The following TRIM2 variants were observed in gnomAD, a reference collection of about 807,000 sequenced individuals.
The protein encoded by TRIM2 is tripartite motif containing 2, also known as tripartite motif-containing protein 2.
A neutral mutation model predicts 75.2 loss-of-function variants in TRIM2; 20 were observed. That is an observed-to-expected ratio of 0.27 (90% confidence interval 0.19 to 0.39). TRIM2 has a LOEUF of 0.39. TRIM2 is among the 10% of genes least tolerant of loss of function. The pLI is 1.00. For synonymous variants in TRIM2, 373 were observed against 388.3 expected, an observed-to-expected ratio of 0.96 and a Z score of 0.46; for missense variants, 660 against 990.8, an observed-to-expected ratio of 0.67 and a Z score of 4.48.
intron 3 of TRIM2, chr4:153,276,352 G>A: frequency 5.1e-6 from 3 of 588,272 alleles, no homozygotes; most frequent in Non-Finnish European, 9.1e-6. Flanking sequence ...CACACATATT[G>A]TTGGTATCCC....
intron 1 of TRIM2, among the ~76,000 whole-genome samples, chr4:153,186,218 G>A (rs372620425): frequency 9.9e-5 from 15 of 152,222 alleles, no homozygotes; most frequent in South Asian, 8.3e-4. Flanking sequence ...GCGTCGGGGC[G>A]TGGTCTGAGT....
At chr4:153,334,689 G>C (rs1277127710) in intron 11 of TRIM2, 125 bp from the exon 12 acceptor site, 32 of 918,372 alleles carry the variant, frequency 3.5e-5, no homozygotes, top group Non-Finnish European at 4.2e-5. Flanking sequence ...CTGGGTGTCA[G>C]AGTGAGACCC....
At chr4:153,297,819 A>AT (rs1560972495) in intron 6 of TRIM2, among the ~76,000 whole-genome samples, 3 of 152,226 alleles carry the variant, frequency 2.0e-5, no homozygotes, top group Non-Finnish European at 2.9e-5. Flanking sequence ...TGTAAAACAA[A>AT]GGGAATGAAA....
At chr4:153,187,393 G>T (rs368135565) in intron 1 of TRIM2, among the ~76,000 whole-genome samples, 1 of 152,188 alleles carries the variant, frequency 6.6e-6, no homozygotes, top group South Asian at 2.1e-4. Flanking sequence ...TGGAAAGGTT[G>T]TCAATGTGTC....
At chr4:153,173,107 G>A (rs990945364) in intron 1 of TRIM2, among the ~76,000 whole-genome samples, 1 of 152,202 alleles carries the variant, frequency 6.6e-6, no homozygotes, top group African/African-American at 2.4e-5. Context: ...TTCGGCCTGG[G>A]TTTAGGTGTC....
chr4:153,318,794 T>C (rs1768266581), intron 8 of TRIM2, among the ~76,000 whole-genome samples: 1 of 152,148 alleles, frequency 6.6e-6, no homozygotes, highest in Non-Finnish European at 1.5e-5. Flanking sequence ...TGTTCAGTGG[T>C]TCAATAGTCT....
At chr4:153,325,734 C>T (rs938566685) in intron 10 of TRIM2, among the ~76,000 whole-genome samples, 1 of 152,182 alleles carries the variant, frequency 6.6e-6, no homozygotes, top group Non-Finnish European at 1.5e-5. Flanking sequence ...CTGCCCACTC[C>T]CAGCTGAAAG....
chr4:153,182,908 CCA>C, intron 1 of TRIM2, among the ~76,000 whole-genome samples: 1 of 152,292 alleles, frequency 6.6e-6, no homozygotes, highest in Admixed American at 6.5e-5. Context: ...TCCCAATACC[CCA>C]GTTATTCCTT....
intron 1 of TRIM2, among the ~76,000 whole-genome samples, chr4:153,221,720 AAAAG>A (rs1467420575): frequency 6.9e-6 from 1 of 144,308 alleles, no homozygotes; most frequent in Non-Finnish European, 1.5e-5. Context: ...AGGAAAGAAG[AAAAG>A]AAGGAAGGAA....
chr4:153,177,083 G>A (rs1354618815), intron 1 of TRIM2, among the ~76,000 whole-genome samples: 2 of 152,216 alleles, frequency 1.3e-5, no homozygotes, highest in East Asian at 1.9e-4. Flanking sequence ...TGTTGTTGGA[G>A]AATCCCCAGC....
At chr4:153,254,769 C>T (rs1751660199) in intron 1 of TRIM2, among the ~76,000 whole-genome samples, 1 of 152,182 alleles carries the variant, frequency 6.6e-6, no homozygotes, top group East Asian at 1.9e-4. Context: ...ACAGCTGAGC[C>T]CCCAAAACCC....
chr4:153,295,885 T>C lies in TRIM2; in HGVS notation c.1359T>C (p.Asp453=). ...AGCTGAAAGTGATCCGATCCGCTGA[T>C]GTGTCTCCCACCACAGAAGGCGTGA... ...PFKLKVIRSA[D]VSPTTEGVKR... Residue 453 remains aspartate (D), a synonymous_variant, in exon 6 of 12, where the codon GAT becomes GAC. Transcript: ENST00000338700. The surrounding 1 kb of genome is among the most constrained non-coding windows in gnomAD (Gnocchi z 7.2). 7 of 1,613,800 alleles carry C rather than the reference T, an allele frequency of 4.3e-6. No homozygotes were observed. The highest frequency in any genetic ancestry group is 2.2e-5 in the South Asian group (2 of 91,022).
chr4:153,268,125 G>A (rs1384904285), intron 1 of TRIM2, among the ~76,000 whole-genome samples: 1 of 152,172 alleles, frequency 6.6e-6, no homozygotes, highest in Non-Finnish European at 1.5e-5. Flanking sequence ...CCAGATTACC[G>A]GTCTGGGTGG....
At chr4:153,320,292 A>T (rs544123079) in intron 8 of TRIM2, among the ~76,000 whole-genome samples, 1 of 152,334 alleles carries the variant, frequency 6.6e-6, no homozygotes, top group South Asian at 2.1e-4. Context: ...ATGAAATCTG[A>T]ATCTTCATCA....
At chr4:153,186,583 C>A (rs1300395541) in intron 1 of TRIM2, among the ~76,000 whole-genome samples, 1 of 152,188 alleles carries the variant, frequency 6.6e-6, no homozygotes, top group Non-Finnish European at 1.5e-5. Context: ...CAGCCCAGAG[C>A]AGAATCTTCT....
intron 1 of TRIM2, among the ~76,000 whole-genome samples, chr4:153,226,666 T>C (rs1159352752): frequency 2.0e-5 from 3 of 152,188 alleles, no homozygotes; most frequent in Non-Finnish European, 4.4e-5. Flanking sequence ...GACCTACTTA[T>C]CTCCCATTAG....
At position 153,315,585 on chromosome 4, in the gene TRIM2, G is replaced by C; in HGVS notation, c.1611G>C (p.Val537=). 1 of 1,606,882 alleles carries C rather than the reference G, an allele frequency of 6.2e-7. No individual in the cohort carries two copies. The highest frequency in any genetic ancestry group is 1.3e-5 in the African/African-American group (1 of 74,624). Residue 537 remains valine (V), a synonymous_variant, in exon 7 of 12, where the codon GTG becomes GTC. Transcript: ENST00000338700. Reference sequence around the variant, plus strand: ...TTGCAGACAGTAACAACCAATGTGTGCAGGTATAGCCCCTAATTATATACC... The same window carrying C: ...TTGCAGACAGTAACAACCAATGTGTCCAGGTATAGCCCCTAATTATATACC... ...ILIADSNNQC[V]QIFSNDGQFK... is the part of the protein sequence containing the mutation.
chr4:153,337,699 A>G lies in TRIM2; in HGVS notation c.*2733A>G. 1.0e-6 allele frequency: 1 copy of G among 985,864 alleles called. No individual in the cohort carries two copies. The highest frequency in any genetic ancestry group is 1.2e-6 in the Non-Finnish European group (1 of 829,938). The allele number at this position is 985,864 out of a possible 1,614,324, so 61.1% of individuals were successfully genotyped here. On this transcript the variant is annotated 3_prime_UTR_variant, in exon 12 of 12. Coordinates refer to ENST00000338700, the MANE Select transcript of TRIM2 (RefSeq NM_015271.5). ...GGAAAATGGTTTCTGGTAAACTGAG[A>G]AGGATATTAAAATAAGTGGCTTTTT...
chr4:153,324,235 T>A, intron 10 of TRIM2, 87 bp downstream of exon 10: 2 of 1,167,782 alleles, frequency 1.7e-6, no homozygotes, highest in Non-Finnish European at 2.5e-6. Flanking sequence ...TACTTACATA[T>A]GGCACCAAAG....
Sources: gnomAD v4.1 joint callset for allele counts (sites outside exome capture counted in the v4.1 genomes callset) on GRCh38, gnomAD v4.1.1 for gene constraint, Gnocchi (gnomAD v3.1) non-coding constraint, MANE v1.5 for transcripts, NCBI Gene and HGNC (gene_info 2026-07-23, HGNC 2026-07-21) for gene names.